Variants in GAS2L3 observed in about 807,000 individuals in gnomAD.
GAS2L3 encodes growth arrest specific 2 like 3.
In GAS2L3, 28 loss-of-function variants were observed where a neutral mutation model predicts 37.0. The observed-to-expected ratio is 0.76, with a 90% CI of 0.56 to 1.04. GAS2L3 has a LOEUF of 1.04. Among genes scored for constraint, GAS2L3 ranks in the 50% least tolerant of loss-of-function variants. The pLI, the probability that GAS2L3 is intolerant of heterozygous loss-of-function variation, is 0.00. For synonymous variants in GAS2L3, 290 were observed against 296.6 expected (o/e 0.98, Z 0.23); for missense variants, 793 against 817.6 (o/e 0.97, Z 0.37).
chr12:100,610,122 C>T lies in GAS2L3; in HGVS notation c.304-1878C>T, dbSNP rs184480861. Among the ~76,000 whole-genome samples, 250 of 152,296 alleles carry T rather than the reference C, an allele frequency of 1.6e-3. 4 individuals carry two copies. Among genetic ancestry groups the T allele is most frequent in the Admixed American group, 2.2e-3 (34 of 15,304 alleles). On this transcript the variant is annotated intron_variant, in intron 5 of 9. Coordinates refer to ENST00000547754, the MANE Select transcript of GAS2L3 (RefSeq NM_174942.3). Reference sequence around the variant, plus strand: ...GTTTGTATGCGGCTATCTCGCTCTGCCCCCTAAAGCACATCTTTTGATACA... The same window carrying T: ...GTTTGTATGCGGCTATCTCGCTCTGTCCCCTAAAGCACATCTTTTGATACA...
At chr12:100,579,873 C>T (rs113553199) in intron 1 of GAS2L3, 18 of 749,254 alleles carry the variant, frequency 2.4e-5, no homozygotes, top group African/African-American at 8.6e-5. Context: ...AGAAAATATC[C>T]GTAACATAGT....
chr12:100,612,157 G>C lies in GAS2L3; in HGVS notation c.445+16G>C. 6.2e-7 allele frequency: 1 copy of C among 1,608,912 alleles called. No individual in the cohort carries two copies. The highest frequency in any genetic ancestry group is 8.5e-7 in the Non-Finnish European group (1 of 1,176,130). ...GAAGGTTTAGGTAAGTGATGTTCTT[G>C]TCATTCTTGTTTTTAATGCTTACTA... On this transcript the variant is annotated intron_variant, in intron 6 of 9. Coordinates refer to ENST00000547754, the MANE Select transcript of GAS2L3 (RefSeq NM_174942.3).
At chr12:100,609,875 C>G (rs1168973259) in intron 5 of GAS2L3, among the ~76,000 whole-genome samples, 1 of 152,206 alleles carries the variant, frequency 6.6e-6, no homozygotes, top group African/African-American at 2.4e-5. Flanking sequence ...TGCTCTCCCC[C>G]TCCCAAATAC....
chr12:100,578,602 A>G (rs1385225523), intron 1 of GAS2L3: 1 of 204,812 alleles, frequency 4.9e-6, no homozygotes, highest in Non-Finnish European at 9.7e-6. Flanking sequence ...GTGTCTTGGC[A>G]AATCTTCCTT....
At chr12:100,609,308 C>T (rs553074498) in intron 5 of GAS2L3, among the ~76,000 whole-genome samples, 11 of 152,324 alleles carry the variant, frequency 7.2e-5, no homozygotes, top group African/African-American at 2.4e-4. Flanking sequence ...GAGCCCAACA[C>T]CCATGGCATA....
Position 100,600,360 on chromosome 12 carries a change from G to A in GAS2L3, c.19-22G>A, listed in dbSNP as rs748099277. On this transcript the variant is annotated intron_variant, in intron 3 of 9. Transcript: ENST00000547754. ...TAGCAAAGGTTTTATTCATTCAGTT[G>A]ATTGATTTTTTTTTTCTTTAGGTAT... is the stretch of plus-strand genomic sequence containing the variant. The A allele has an allele frequency of 5.3e-6, 8 of 1,508,542 alleles. No individual in the cohort carries two copies. The African/African-American group carries it at 9.9e-5, about 19-fold the overall frequency. The allele number at this position is 1,508,542 out of a possible 1,614,324, so 93.4% of individuals were successfully genotyped here.
In GAS2L3 at chr12:100,624,489, C is replaced by T. The variant is rs1213751351; in HGVS notation, c.1684C>T (p.Gln562Ter). 1 of 1,613,954 alleles carries T rather than the reference C, an allele frequency of 6.2e-7. No individual in the cohort carries two copies. The highest frequency in any genetic ancestry group is 1.3e-5 in the African/African-American group (1 of 74,918). The part of the protein sequence containing the change: ...QKLKSALNLN[Q>*]PVSVSSVSPV... ...ACTTAAATCGGCCTTGAATTTAAAT[C>T]AGCCAGTTTCTGTGTCCTCAGTTTC... is the stretch of plus-strand genomic sequence containing the variant. Residue 562 changes from glutamine (Q) to a stop codon, truncating the protein, a stop_gained, in exon 10 of 10, where the codon CAG (glutamine) becomes TAG (stop). Transcript: ENST00000547754. LOFTEE classifies it low-confidence loss of function (END_TRUNC).
intron 6 of GAS2L3, among the ~76,000 whole-genome samples, chr12:100,615,779 G>A (rs1956179861): frequency 1.3e-5 from 2 of 152,092 alleles, no homozygotes; most frequent in East Asian, 3.9e-4. Flanking sequence ...TTAGCATCTT[G>A]TTGAAATTAA....
chr12:100,600,693 C>A, intron 4 of GAS2L3, 143 bp downstream of exon 4: 1 of 696,838 alleles, frequency 1.4e-6, no homozygotes, highest in South Asian at 1.8e-5. Context: ...TGGTCTCACC[C>A]AGGTTACATT....
chr12:100,579,241 TACAA>T, intron 1 of GAS2L3: 2 of 607,458 alleles, frequency 3.3e-6, no homozygotes, highest in Non-Finnish European at 6.1e-6. Context: ...ATTCAGTGCT[TACAA>T]ACAAACTTCT....
Position 100,623,599 on chromosome 12 carries a change from GAGGCTGGGATACTCTTCA to G in GAS2L3, c.798_815del (p.Trp267_Gly272del). ...AAACATGTCATGGTTCGCGTTGGTG[GAGGCTGGGATACTCTTCA>G]AGGATTTTTGCTTAAATATGACCCC... On this transcript the variant is annotated inframe_deletion, in exon 10 of 10. Coordinates refer to ENST00000547754, the MANE Select transcript of GAS2L3 (RefSeq NM_174942.3). The G allele has an allele frequency of 6.2e-7, 1 of 1,609,586 alleles. No individual in the cohort carries two copies. Among genetic ancestry groups the G allele is most frequent in the Non-Finnish European group, 8.5e-7 (1 of 1,178,126 alleles).
chr12:100,583,830 C>T (rs1401192381), intron 1 of GAS2L3, among the ~76,000 whole-genome samples: 3 of 152,138 alleles, frequency 2.0e-5, no homozygotes, highest in Non-Finnish European at 2.9e-5. Context: ...ATGCTAGCAC[C>T]TTGACCGTAA....
At chr12:100,617,041 G>T (rs1956196240) in intron 6 of GAS2L3, among the ~76,000 whole-genome samples, 1 of 150,628 alleles carries the variant, frequency 6.6e-6, no homozygotes, top group African/African-American at 2.4e-5. Context: ...TCATGAAATG[G>T]TTGGATTTTG....
rs368296343 is a variant in GAS2L3 at position 100,600,510 on chromosome 12, C to A, written c.147C>A (p.Pro49=). ...IAVRHEATLL[P]MQEDLSIWLS... ...TGAGGCATGAAGCCACTTTGTTGCC[C>A]ATGCAAGAAGATCTGTCAATCTGGT... The change falls in exon 4 of 10, where the codon CCC becomes CCA. Residue 49 remains proline (P), a synonymous_variant. Transcript: ENST00000547754. 5.9e-5 allele frequency: 96 copies of A among 1,613,634 alleles called. No homozygotes were observed. The highest frequency in any genetic ancestry group is 8.3e-5 in the Admixed American group (5 of 59,926).
chr12:100,583,674 A>G (rs1955742238), intron 1 of GAS2L3, among the ~76,000 whole-genome samples: 1 of 152,042 alleles, frequency 6.6e-6, no homozygotes, highest in Non-Finnish European at 1.5e-5. Flanking sequence ...GGGCTTCACC[A>G]TGTTAGCCAG....
At chr12:100,582,575 A>T (rs538941694) in intron 1 of GAS2L3, among the ~76,000 whole-genome samples, 2 of 152,360 alleles carry the variant, frequency 1.3e-5, no homozygotes, top group African/African-American at 4.8e-5. Flanking sequence ...TGAGGAATTT[A>T]TGAAAAATAT....
At chr12:100,585,800 C>A (rs533159433) in intron 1 of GAS2L3, among the ~76,000 whole-genome samples, 1 of 152,198 alleles carries the variant, frequency 6.6e-6, no homozygotes, top group African/African-American at 2.4e-5. Context: ...TAGATTCTAG[C>A]TCAGTCACCA....
intron 3 of GAS2L3, among the ~76,000 whole-genome samples, chr12:100,595,421 T>TG (rs1955899630): frequency 2.0e-5 from 3 of 151,658 alleles, no homozygotes; most frequent in Admixed American, 2.0e-4. Flanking sequence ...TGTTTTGTTT[T>TG]TTGTGGAGGG....
chr12:100,589,831 A>G (rs1183811910), intron 1 of GAS2L3, among the ~76,000 whole-genome samples: 1 of 152,120 alleles, frequency 6.6e-6, no homozygotes, highest in African/African-American at 2.4e-5. Context: ...GGGAAAGGAC[A>G]CCCTTTTCAA....
Sources: allele counts gnomAD v4.1 joint callset (sites outside exome capture counted in the v4.1 genomes callset), GRCh38; gene constraint gnomAD v4.1.1; transcripts MANE v1.5; gene names NCBI Gene and HGNC (gene_info 2026-07-23, HGNC 2026-07-21).